Variants in HEPACAM2 observed in about 807,000 individuals in gnomAD.
HEPACAM2 encodes the protein mitotic kinetics regulator.
Under a neutral mutation model 49.6 loss-of-function variants are expected in HEPACAM2, and 49 were observed. The observed-to-expected ratio is 0.99, with a 90% confidence interval of 0.78 to 1.25. The LOEUF (loss-of-function observed/expected upper bound fraction) is 1.25, where lower values mean the gene tolerates loss of function less well. Ranked by LOEUF, HEPACAM2 falls within the 50% of genes most tolerant of loss-of-function variation. HEPACAM2 has a pLI of 0.00. For missense variants in HEPACAM2, 525 were observed against 557.2 expected, an observed-to-expected ratio of 0.94 and a Z score of 0.58; for synonymous variants, 197 against 202.9, an observed-to-expected ratio of 0.97 and a Z score of 0.25.
At chr7:93,194,078 A>G (rs969548228) in intron 8 of HEPACAM2, among the ~76,000 whole-genome samples, 1 of 152,122 alleles carries the variant, frequency 6.6e-6, no homozygotes, top group Non-Finnish European at 1.5e-5. Flanking sequence ...AAATCAAGTT[A>G]TTCTGTTTCT....
intron 1 of HEPACAM2, among the ~76,000 whole-genome samples, chr7:93,224,857 C>T (rs1274656157): frequency 6.6e-6 from 1 of 152,024 alleles, no homozygotes; most frequent in African/African-American, 2.4e-5. Flanking sequence ...ATAAACTGTA[C>T]AAACTGTACA....
intron 9 of HEPACAM2, among the ~76,000 whole-genome samples, chr7:93,191,503 T>C (rs1238203667): frequency 6.6e-6 from 1 of 152,186 alleles, no homozygotes; most frequent in African/African-American, 2.4e-5. Flanking sequence ...ATTGATGTTC[T>C]TTTCAAAGTC....
intron 9 of HEPACAM2, among the ~76,000 whole-genome samples, chr7:93,191,484 T>G (rs1793545325): frequency 6.6e-6 from 1 of 152,172 alleles, no homozygotes; most frequent in Admixed American, 6.6e-5. Context: ...CAAGTTTCTG[T>G]ATGTGGTTAT....
At chr7:93,223,256 G>A (rs1794483762) in intron 1 of HEPACAM2, among the ~76,000 whole-genome samples, 1 of 152,096 alleles carries the variant, frequency 6.6e-6, no homozygotes, top group African/African-American at 2.4e-5. Flanking sequence ...TTAATATTCT[G>A]GAAATGGTTG....
In HEPACAM2 at chr7:93,208,802, C is replaced by G; in HGVS notation, c.790G>C (p.Glu264Gln). The G allele has an allele frequency of 6.2e-7, 1 of 1,612,978 alleles. No individual in the cohort carries two copies. Among genetic ancestry groups the G allele is most frequent in the Admixed American group, 1.7e-5 (1 of 59,894 alleles). ...VGEVFTVDLG[E>Q]AILFDCSADS... ...GCAGAACAATCAAATAGGATGGCCTCTCCAAGGTCAACAGTAAACACTTCC... is the reference window on the plus strand; with the variant it reads ...GCAGAACAATCAAATAGGATGGCCTGTCCAAGGTCAACAGTAAACACTTCC... Residue 264 changes from glutamate (E) to glutamine (Q), a missense_variant, in exon 4 of 10, where the codon GAG (glutamate) becomes CAG (glutamine). Glu to Gln is a conservative substitution (Grantham distance 29). Transcript: ENST00000394468.
intron 4 of HEPACAM2, among the ~76,000 whole-genome samples, chr7:93,205,025 A>G (rs534355844): frequency 2.6e-5 from 4 of 151,680 alleles, no homozygotes; most frequent in Admixed American, 1.3e-4. Flanking sequence ...ACTTGAACCC[A>G]GGAGGCAGAG....
intron 9 of HEPACAM2, among the ~76,000 whole-genome samples, chr7:93,190,948 T>C (rs183719914): frequency 7.9e-5 from 12 of 152,060 alleles, no homozygotes; most frequent in East Asian, 3.9e-4. Flanking sequence ...ATGTGAAAAA[T>C]TGATAGTTAG....
intron 9 of HEPACAM2, 61 bp downstream of exon 9, chr7:93,192,193 G>C: frequency 8.0e-7 from 1 of 1,250,110 alleles, no homozygotes; most frequent in East Asian, 2.3e-5. Flanking sequence ...CAGTTCTGGG[G>C]AAAGCAAAAG....
intron 5 of HEPACAM2, 31 bp from the exon 6 acceptor site, chr7:93,197,428 G>A: frequency 1.3e-6 from 2 of 1,579,444 alleles, no homozygotes. Flanking sequence ...AAATGGTAAG[G>A]TTTTTTTTAG....
At chr7:93,225,762 A>G (rs1794526878) in intron 1 of HEPACAM2, 1 of 415,830 alleles carries the variant, frequency 2.4e-6, no homozygotes, top group African/African-American at 2.0e-5. Flanking sequence ...GGTAGAAAAA[A>G]ATTCTTAATA....
At chr7:93,214,994 A>C (rs998998108) in intron 3 of HEPACAM2, among the ~76,000 whole-genome samples, 10 of 152,342 alleles carry the variant, frequency 6.6e-5, no homozygotes, top group Middle Eastern at 3.4e-3. Flanking sequence ...ATTTTACAAG[A>C]GAAGAATAAA....
intron 2 of HEPACAM2, 41 bp downstream of exon 2, chr7:93,219,060 C>T (rs765595455): frequency 6.4e-7 from 1 of 1,561,994 alleles, no homozygotes; most frequent in East Asian, 2.3e-5. Flanking sequence ...TGCTAACTAC[C>T]ATGCTAGACT....
intron 4 of HEPACAM2, among the ~76,000 whole-genome samples, chr7:93,201,282 T>G (rs888473553): frequency 6.6e-6 from 1 of 152,140 alleles, no homozygotes; most frequent in African/African-American, 2.4e-5. Flanking sequence ...ACATTTGTTT[T>G]TTACTTGGAA....
intron 2 of HEPACAM2, among the ~76,000 whole-genome samples, chr7:93,217,027 A>T (rs1794322100): frequency 6.6e-6 from 1 of 152,180 alleles, no homozygotes; most frequent in East Asian, 1.9e-4. Context: ...GTAATTCTGA[A>T]GCTTATAGCA....
intron 4 of HEPACAM2, among the ~76,000 whole-genome samples, chr7:93,204,364 A>G (rs1362850859): frequency 6.6e-6 from 1 of 150,528 alleles, no homozygotes; most frequent in Non-Finnish European, 1.5e-5. Context: ...CTATCTATCT[A>G]TCTATCTATC....
intron 4 of HEPACAM2, among the ~76,000 whole-genome samples, chr7:93,206,010 G>T (rs1794018733): frequency 1.3e-5 from 2 of 152,110 alleles, no homozygotes; most frequent in South Asian, 4.1e-4. Flanking sequence ...GACTGTAGCT[G>T]TCTTTAGACC....
chr7:93,208,752 G>C lies in HEPACAM2; in HGVS notation c.840C>G (p.Tyr280Ter). ...TATTGTCAGTCCTCCTAATCCAGGA[G>C]TAGGTGTTGGGGGGATGAGAATCAG... Reference protein sequence around the residue: ...CSADSHPPNTYSWIRRTDNTT... With the variant: ...CSADSHPPNT Residue 280 changes from tyrosine to a stop codon, truncating the protein, a stop_gained, in exon 4 of 10, where the codon TAC becomes TAG. Transcript: ENST00000394468. LOFTEE classifies it high-confidence loss of function. The C allele has an allele frequency of 6.2e-7, 1 of 1,613,196 alleles. No individual in the cohort carries two copies. Among genetic ancestry groups the C allele is most frequent in the East Asian group, 2.2e-5 (1 of 44,842 alleles).
At chr7:93,215,342 G>C (rs1222264199) in intron 3 of HEPACAM2, 59 bp downstream of exon 3, 1 of 1,460,932 alleles carries the variant, frequency 6.8e-7, no homozygotes, top group African/African-American at 1.4e-5. Flanking sequence ...GACTATCCTG[G>C]GAGATATTCT....
At chr7:93,198,840 A>C (rs920046790) in intron 4 of HEPACAM2, among the ~76,000 whole-genome samples, 2 of 152,034 alleles carry the variant, frequency 1.3e-5, no homozygotes, top group Non-Finnish European at 2.9e-5. Context: ...TGAGATCTCC[A>C]ACAGCCAAAA....
Sources: allele counts gnomAD v4.1 joint callset (sites outside exome capture counted in the v4.1 genomes callset), GRCh38; gene constraint gnomAD v4.1.1; transcripts MANE v1.5; gene names NCBI Gene and HGNC (gene_info 2026-07-23, HGNC 2026-07-21).